Variants in ULK4 observed in about 807,000 individuals in gnomAD.
ULK4 encodes inactive serine/threonine-protein kinase ULK4.
A neutral mutation model predicts 160.6 loss-of-function variants in ULK4; 133 were observed. That is an observed-to-expected ratio of 0.83 (90% CI 0.72 to 0.96). The LOEUF is 0.96. Among genes scored for constraint, ULK4 ranks in the 40% least tolerant of loss-of-function variants. The probability of loss-of-function intolerance (pLI) is 0.00; values close to 1 mark genes in which losing one functional copy is unlikely to be tolerated. For synonymous variants in ULK4, 534 were observed against 539.8 expected (o/e 0.99, Z 0.15); for missense variants, 1,580 against 1,499.5 (o/e 1.05, Z -0.89).
chr3:41,882,155 C>T (rs952473911), intron 17 of ULK4: 2 of 700,968 alleles, frequency 2.9e-6, no homozygotes, highest in Non-Finnish European at 5.2e-6. Flanking sequence ...CCCAAGAATG[C>T]TGATACAGTT....
chr3:41,452,718 C>T (rs2083449407), intron 34 of ULK4, among the ~76,000 whole-genome samples: 1 of 152,056 alleles, frequency 6.6e-6, no homozygotes, highest in South Asian at 2.1e-4. Context: ...AAAAGGTTAT[C>T]ATCCTTAGGA....
chr3:41,945,810 T>TC (rs1317960624), intron 2 of ULK4, among the ~76,000 whole-genome samples: 1 of 152,184 alleles, frequency 6.6e-6, no homozygotes, highest in Non-Finnish European at 1.5e-5. Flanking sequence ...TAGTCTTTTT[T>TC]CCCTCAGTGT....
intron 30 of ULK4, among the ~76,000 whole-genome samples, chr3:41,652,620 C>G (rs1443579024): frequency 1.3e-5 from 2 of 152,144 alleles, no homozygotes; most frequent in African/African-American, 4.8e-5. Flanking sequence ...TCAAATAGTT[C>G]CAAGAGCAAC....
intron 32 of ULK4, among the ~76,000 whole-genome samples, chr3:41,508,840 A>T (rs1214372745): frequency 6.6e-6 from 1 of 152,176 alleles, no homozygotes; most frequent in Non-Finnish European, 1.5e-5. Flanking sequence ...TGAGTCCCAC[A>T]TCTTGCCTCT....
intron 32 of ULK4, among the ~76,000 whole-genome samples, chr3:41,474,274 T>C (rs2084076937): frequency 6.6e-6 from 1 of 152,170 alleles, no homozygotes; most frequent in Admixed American, 6.5e-5. Context: ...GTCTCTTCAG[T>C]AAATGGTGCT....
At chr3:41,876,508 G>C (rs1697307650) in intron 17 of ULK4, among the ~76,000 whole-genome samples, 1 of 152,182 alleles carries the variant, frequency 6.6e-6, no homozygotes, top group Non-Finnish European at 1.5e-5. Flanking sequence ...AAACAGTTTA[G>C]ATTACCCCCT....
At position 41,886,795 on chromosome 3, in the gene ULK4, C is replaced by T. The variant is rs576757665; in HGVS notation, c.1578-2843G>A. 4.6e-3 allele frequency among the ~76,000 whole-genome samples: 697 copies of T among 152,138 alleles called. 8 individuals are homozygous for T. Among genetic ancestry groups the T allele is most frequent in the Middle Eastern group, 0.014 (4 of 294 alleles). ...TTCACCATGTTGGCCAGGCTGGTCTCGAACTCCTGAACTCGTGATCCACCC... is the reference window on the plus strand; with the variant it reads ...TTCACCATGTTGGCCAGGCTGGTCTTGAACTCCTGAACTCGTGATCCACCC... On this transcript the variant is annotated intron_variant, in intron 16 of 36. Transcript: ENST00000301831.
chr3:41,674,058 G>A (rs2035623418), intron 29 of ULK4, among the ~76,000 whole-genome samples: 1 of 152,182 alleles, frequency 6.6e-6, no homozygotes, highest in South Asian at 2.1e-4. Context: ...CAGTGAGGAA[G>A]ACTGGAAGGG....
At chr3:41,776,604 C>G (rs1370437192) in intron 21 of ULK4, among the ~76,000 whole-genome samples, 1 of 145,412 alleles carries the variant, frequency 6.9e-6, no homozygotes, top group Non-Finnish European at 1.5e-5. Context: ...CCATCAATAC[C>G]TAATTTATTG....
chr3:41,636,468 G>A (rs1011475975), intron 30 of ULK4, among the ~76,000 whole-genome samples: 7 of 151,742 alleles, frequency 4.6e-5, no homozygotes, highest in Non-Finnish European at 8.8e-5. Flanking sequence ...TGGGAGGTTA[G>A]GGCTGCAGCG....
intron 17 of ULK4, among the ~76,000 whole-genome samples, chr3:41,862,420 G>T (rs753736603): frequency 3.3e-5 from 5 of 152,152 alleles, no homozygotes; most frequent in Admixed American, 6.5e-5. Flanking sequence ...AAAGTTCATT[G>T]GTGAGGTCAT....
chr3:41,590,010 G>T (rs1256263379), intron 31 of ULK4, among the ~76,000 whole-genome samples: 6 of 147,246 alleles, frequency 4.1e-5, no homozygotes, highest in South Asian at 2.2e-4. Flanking sequence ...GGTTTTTTTT[G>T]TTTTTTTTTT....
chr3:41,359,657 A>G (rs1475925317), intron 35 of ULK4, among the ~76,000 whole-genome samples: 1 of 152,212 alleles, frequency 6.6e-6, no homozygotes, highest in Non-Finnish European at 1.5e-5. Flanking sequence ...AACTCTCCCA[A>G]GAAGTTTTGT....
intron 34 of ULK4, among the ~76,000 whole-genome samples, chr3:41,451,313 T>C (rs977838460): frequency 1.3e-5 from 2 of 151,880 alleles, no homozygotes; most frequent in African/African-American, 4.8e-5. Flanking sequence ...AAGAATCGTC[T>C]TGTAAAGAAT....
intron 18 of ULK4, among the ~76,000 whole-genome samples, chr3:41,826,022 A>C (rs968310214): frequency 1.3e-5 from 2 of 152,244 alleles, no homozygotes; most frequent in Non-Finnish European, 2.9e-5. Context: ...CTTAAAGAAA[A>C]GAATTTTCAA....
intron 35 of ULK4, among the ~76,000 whole-genome samples, chr3:41,342,535 C>T (rs1413002143): frequency 6.6e-6 from 1 of 152,134 alleles, no homozygotes; most frequent in Non-Finnish European, 1.5e-5. Flanking sequence ...TAATAAATAG[C>T]CTACCAACCA....
intron 17 of ULK4, among the ~76,000 whole-genome samples, chr3:41,857,114 T>G (rs1367500918): frequency 1.3e-5 from 2 of 152,096 alleles, no homozygotes; most frequent in Admixed American, 6.6e-5. Flanking sequence ...TGACTGAAAC[T>G]CAGCTATCTT....
chr3:41,954,400 C>CA (rs1222578498), intron 2 of ULK4, among the ~76,000 whole-genome samples: 1 of 150,490 alleles, frequency 6.6e-6, no homozygotes, highest in Non-Finnish European at 1.5e-5. Flanking sequence ...TACCCACCCC[C>CA]AAAAAAAAGA....
intron 1 of ULK4, among the ~76,000 whole-genome samples, chr3:41,959,804 G>A (rs1465956359): frequency 6.6e-6 from 1 of 152,066 alleles, no homozygotes; most frequent in Non-Finnish European, 1.5e-5. Context: ...GGTGGTGCAT[G>A]CCTGTAGTCC....
Sources: allele counts gnomAD v4.1 joint callset (sites outside exome capture counted in the v4.1 genomes callset), GRCh38; gene constraint gnomAD v4.1.1; transcripts MANE v1.5; gene names NCBI Gene and HGNC (gene_info 2026-07-23, HGNC 2026-07-21).